NBN: variants seen among roughly 807,000 people sequenced by gnomAD.
NBN encodes Nijmegen breakage syndrome 1 (nibrin).
Under a neutral mutation model 90.8 loss-of-function variants are expected in NBN, and 88 were observed. The observed-to-expected ratio is 0.97, with a 90% CI of 0.82 to 1.16. NBN has a LOEUF of 1.16. Among genes scored for constraint, NBN ranks in the 50% most tolerant of loss-of-function variants. The probability of loss-of-function intolerance (pLI) is 0.00; values close to 1 mark genes in which losing one functional copy is unlikely to be tolerated. For synonymous variants in NBN, 328 were observed against 295.1 expected, an observed-to-expected ratio of 1.11 and a Z score of -1.14; for missense variants, 894 against 869.6, an observed-to-expected ratio of 1.03 and a Z score of -0.35.
rs1214592397 is a variant in NBN, at chr8:89,935,211, A to G, written c.*371T>C. On this transcript the variant is annotated 3_prime_UTR_variant, in exon 16 of 16. Transcript: ENST00000265433. ...TTGAATAGGACTCAAAAATCCCTGG[A>G]AAGATTCATAAGAAATGAGTATCAT... 7.2e-6 allele frequency: 2 copies of G among 278,882 alleles called. No individual in the cohort carries two copies. Among genetic ancestry groups the G allele is most frequent in the East Asian group, 5.4e-5 (1 of 18,558 alleles). 17.3% of individuals were successfully genotyped at this position (278,882 alleles called of 1,614,324 possible). A position where few individuals can be genotyped will look rare whatever the true frequency, so the allele number is the denominator to read the frequency against.
chr8:89,981,420 T>C lies in NBN; in HGVS notation c.275A>G (p.Lys92Arg), dbSNP rs1554568311. 6.2e-7 allele frequency: 1 copy of C among 1,614,080 alleles called. No individual in the cohort carries two copies. ...TCCAAAAGTAATACCATCCCCCGAC[T>C]TCAAAGTTCGGGAAAAGCCATTCTG... ...KMQNGFSRTL[K>R]SGDGITFGVF... The change falls in exon 3 of 16, where the codon AAG becomes AGG. Residue 92 changes from lysine to arginine, a missense_variant. Physicochemically the swap from Lys to Arg is conservative, Grantham distance 26. Transcript: ENST00000265433.
chr8:89,974,075 T>G (rs998759335), intron 5 of NBN, among the ~76,000 whole-genome samples: 1 of 152,180 alleles, frequency 6.6e-6, no homozygotes, highest in Admixed American at 6.5e-5. Context: ...TATATCATTT[T>G]CACTTCTGTA....
chr8:89,969,965 T>C (rs549890038), intron 7 of NBN, among the ~76,000 whole-genome samples: 15 of 150,178 alleles, frequency 1.0e-4, no homozygotes, highest in South Asian at 2.1e-4. Context: ...AAATAAAAAA[T>C]AGGCCAGGCA....
intron 5 of NBN, among the ~76,000 whole-genome samples, chr8:89,975,547 C>A (rs1203856529): frequency 6.6e-6 from 1 of 152,166 alleles, no homozygotes. Flanking sequence ...CAATTGCCAT[C>A]ATCGAATATG....
chr8:89,970,162 T>C (rs1413586556), intron 7 of NBN, among the ~76,000 whole-genome samples: 1 of 151,570 alleles, frequency 6.6e-6, no homozygotes, highest in Non-Finnish European at 1.5e-5. Flanking sequence ...GGCAGGAGAA[T>C]TGCTTGAACC....
intron 7 of NBN, among the ~76,000 whole-genome samples, chr8:89,968,533 G>A (rs540352231): frequency 6.6e-6 from 1 of 152,184 alleles, no homozygotes; most frequent in East Asian, 1.9e-4. Context: ...TAATATATAG[G>A]TTGAGGATTA....
In NBN at chr8:89,953,646, T is replaced by C. The variant is rs751121403; in HGVS notation, c.1443A>G (p.Ala481=). The C allele has an allele frequency of 2.5e-6, 4 of 1,612,948 alleles. No individual in the cohort carries two copies. The highest frequency in any genetic ancestry group is 1.1e-5 in the South Asian group (1 of 90,940). ...ENQEMSSCKS[A]RIETSCSLLE... ...AAAGAGAACAAGACGTTTCTATTCT[T>C]GCTGATTTGCATGAAGACATTTCTT... Residue 481 remains alanine, a synonymous_variant, in exon 11 of 16, where the codon GCA becomes GCG. Transcript: ENST00000265433.
At chr8:89,979,429 TG>T (rs1811943863) in intron 4 of NBN, among the ~76,000 whole-genome samples, 1 of 152,240 alleles carries the variant, frequency 6.6e-6, no homozygotes, top group South Asian at 2.1e-4. Context: ...AAATCAACAC[TG>T]TATTGGGTAA....
rs748453607 is a variant in NBN at position 89,964,438 on chromosome 8, G to T, written c.966C>A (p.Tyr322Ter). The change falls in exon 8 of 16, where the codon TAC becomes TAA. Residue 322 changes from tyrosine to a stop codon, truncating the protein, a stop_gained. Transcript: ENST00000265433. LOFTEE classifies it high-confidence loss of function. ...TACTGGGATGGCCCTGAGGATCACA[G>T]TAATTCTTTGTAGTCATGAAAATCA... Reference protein sequence around the residue: ...LAVIFMTTKNYCDPQGHPSTG... With the variant: ...LAVIFMTTKN 6.2e-7 allele frequency: 1 copy of T among 1,613,644 alleles called. No homozygotes were observed. Among genetic ancestry groups the T allele is most frequent in the African/African-American group, 1.3e-5 (1 of 74,900 alleles).
rs1180796619 is a variant in NBN, at chr8:89,953,664, C to G, written c.1425G>C (p.Met475Ile). 6.2e-7 allele frequency: 1 copy of G among 1,611,514 alleles called. No individual in the cohort carries two copies. The highest frequency in any genetic ancestry group is 8.5e-7 in the Non-Finnish European group (1 of 1,179,124). ...CTATTCTTGCTGATTTGCATGAAGA[C>G]ATTTCTTGATTTTCTTCATCCCTTT... Reference protein sequence around the residue: ...KRERDEENQEMSSCKSARIET... With the variant: ...KRERDEENQEISSCKSARIET... The change falls in exon 11 of 16, where the codon ATG becomes ATC. Residue 475 changes from methionine to isoleucine, a missense_variant. By Grantham distance (10) the Met-to-Ile change is conservative (BLOSUM62 1). Coordinates refer to ENST00000265433, the MANE Select transcript of NBN (RefSeq NM_002485.5).
intron 4 of NBN, among the ~76,000 whole-genome samples, chr8:89,980,505 A>G (rs1166669819): frequency 6.6e-6 from 1 of 152,068 alleles, no homozygotes; most frequent in East Asian, 1.9e-4. Flanking sequence ...ATGCTAAACA[A>G]AATCTGAAAT....
Position 89,971,228 on chromosome 8 carries a change from T to C in NBN, c.647A>G (p.Gln216Arg). 1 of 1,613,384 alleles carries C rather than the reference T, an allele frequency of 6.2e-7. No individual in the cohort carries two copies. The highest frequency in any genetic ancestry group is 2.2e-5 in the East Asian group (1 of 44,784). ...GSKNVDLSGR[Q>R]ERKQIFKGKT... is the part of the protein sequence containing the mutation. The stretch of plus-strand genomic sequence containing the variant: ...CCCTTTGAAGATTTGTTTTCTTTCC[T>C]GCCGTCCTGACAGATCAACATTTTT... The change falls in exon 6 of 16, where the codon CAG (glutamine) becomes CGG (arginine). Residue 216 changes from glutamine (Q) to arginine (R), a missense_variant. Gln to Arg is a conservative substitution (Grantham distance 43, BLOSUM62 1). Transcript: ENST00000265433.
chr8:89,953,182 A>T, intron 11 of NBN, 62 bp downstream of exon 11: 1 of 1,237,240 alleles, frequency 8.1e-7, no homozygotes, highest in South Asian at 1.2e-5. Flanking sequence ...TACAAAATCG[A>T]AAGTACCTGT....
At chr8:89,982,975 T>C (rs1374026144) in intron 1 of NBN, 120 bp from the exon 2 acceptor site, 1 of 1,072,842 alleles carries the variant, frequency 9.3e-7, no homozygotes, top group African/African-American at 1.6e-5. Context: ...TAAAACACCT[T>C]TGTTATTCAA....
Position 89,978,320 on chromosome 8 carries a change from T to C in NBN, c.484A>G (p.Ile162Val), listed in dbSNP as rs750594114. The C allele has an allele frequency of 6.3e-7, 1 of 1,582,864 alleles. No individual in the cohort carries two copies. The highest frequency in any genetic ancestry group is 8.7e-7 in the Non-Finnish European group (1 of 1,152,018). ...MVSVKVTIKT[I>V]CALICGRPIV... ...GGACGTCCACAAATGAGTGCACATA[T>C]TGTCTACAATGAAGAAAACATGTGA... The change falls in exon 5 of 16, where the codon ATA (isoleucine) becomes GTA (valine). Residue 162 changes from isoleucine to valine, a missense_variant. Physicochemically the swap from Ile to Val is conservative, Grantham distance 29. Coordinates refer to ENST00000265433, the MANE Select transcript of NBN (RefSeq NM_002485.5).
intron 6 of NBN, 73 bp downstream of exon 6, chr8:89,971,100 A>G: frequency 6.8e-7 from 1 of 1,477,248 alleles, no homozygotes; most frequent in Non-Finnish European, 9.3e-7. Context: ...GTTAACAACT[A>G]CTGATAAGAG....
intron 9 of NBN, among the ~76,000 whole-genome samples, chr8:89,957,299 G>T (rs1810767076): frequency 6.6e-6 from 1 of 152,046 alleles, no homozygotes; most frequent in Admixed American, 6.6e-5. Flanking sequence ...TTATGTCTTT[G>T]TTTTTAACAA....
chr8:89,944,743 A>C (rs1010511557), intron 13 of NBN, among the ~76,000 whole-genome samples: 5 of 152,008 alleles, frequency 3.3e-5, no homozygotes, highest in African/African-American at 1.2e-4. Flanking sequence ...ATGCCTAGCT[A>C]ATTTTTATAT....
chr8:89,964,095 C>A (rs1429342217), intron 8 of NBN, among the ~76,000 whole-genome samples: 1 of 152,170 alleles, frequency 6.6e-6, no homozygotes, highest in Admixed American at 6.6e-5. Context: ...CATACATCAC[C>A]TTGTTTTACC....
Sources: gnomAD v4.1 joint callset for allele counts (sites outside exome capture counted in the v4.1 genomes callset) on GRCh38, gnomAD v4.1.1 for gene constraint, MANE v1.5 for transcripts, NCBI Gene and HGNC (gene_info 2026-07-23, HGNC 2026-07-21) for gene names.